The following DDHD1 variants were observed in gnomAD, a reference collection of about 807,000 sequenced individuals.
DDHD1 encodes the protein phospholipase DDHD1.
DDHD1 carries 49 observed loss-of-function variants against 96.4 expected under a neutral mutation model. The observed-to-expected ratio is 0.51, with a 90% CI of 0.40 to 0.64. The LOEUF (loss-of-function observed/expected upper bound fraction) is 0.64, where lower values mean the gene tolerates loss of function less well. DDHD1 is among the 30% of genes least tolerant of loss of function. The pLI is 0.00. For missense variants in DDHD1, 1,106 were observed against 1,161.2 expected, an observed-to-expected ratio of 0.95 and a Z score of 0.69; for synonymous variants, 442 against 446.5, an observed-to-expected ratio of 0.99 and a Z score of 0.13.
chr14:53,153,291 G>A lies in DDHD1; in HGVS notation c.-193C>T, dbSNP rs927041349. 6.9e-6 allele frequency: 3 copies of A among 433,824 alleles called. No homozygotes were observed. Among genetic ancestry groups the A allele is most frequent in the South Asian group, 1.8e-4 (2 of 11,054 alleles). The allele number at this position is 433,824 out of a possible 1,614,324, so 26.9% of individuals were successfully genotyped here. On this transcript the variant is annotated 5_prime_UTR_variant, in exon 1 of 13. Coordinates refer to ENST00000673822, the MANE Select transcript of DDHD1 (RefSeq NM_001160148.2). Reference sequence around the variant, plus strand: ...GCCGCCGCAGCTGCGTTCTGCCGCCGGCCCCATTGTCACGCAGCCCGACGT... The same window carrying A: ...GCCGCCGCAGCTGCGTTCTGCCGCCAGCCCCATTGTCACGCAGCCCGACGT...
At chr14:53,114,749 A>G (rs536612378) in intron 1 of DDHD1, among the ~76,000 whole-genome samples, 3 of 152,370 alleles carry the variant, frequency 2.0e-5, no homozygotes, top group Non-Finnish European at 2.9e-5. Context: ...AAAGGTAGAT[A>G]AATCCACAAA....
intron 4 of DDHD1, among the ~76,000 whole-genome samples, chr14:53,075,283 T>C (rs559262823): frequency 2.0e-5 from 3 of 152,080 alleles, no homozygotes; most frequent in Non-Finnish European, 4.4e-5. Context: ...TTGAAGGAGA[T>C]TAAAAGTACT....
intron 9 of DDHD1, among the ~76,000 whole-genome samples, chr14:53,056,742 T>C (rs1253392525): frequency 6.6e-6 from 1 of 152,194 alleles, no homozygotes; most frequent in African/African-American, 2.4e-5. Context: ...CTTGCACCGT[T>C]CTGACGTAAA....
At chr14:53,141,041 C>G (rs1890607350) in intron 1 of DDHD1, among the ~76,000 whole-genome samples, 1 of 152,164 alleles carries the variant, frequency 6.6e-6, no homozygotes, top group Non-Finnish European at 1.5e-5. Flanking sequence ...GTATACACAT[C>G]TAAAAACAGA....
intron 6 of DDHD1, among the ~76,000 whole-genome samples, chr14:53,067,235 T>C (rs561886589): frequency 6.6e-6 from 1 of 151,754 alleles, no homozygotes; most frequent in Admixed American, 6.6e-5. Context: ...CTCGACTAAC[T>C]GCAACCTCCG....
intron 1 of DDHD1, among the ~76,000 whole-genome samples, chr14:53,133,636 G>C (rs377396188): frequency 1.1e-4 from 16 of 152,110 alleles, no homozygotes; most frequent in African/African-American, 3.9e-4. Flanking sequence ...GCCTGTCCTC[G>C]GGATGCTACA....
chr14:53,138,449 AGATTGTATTTTGGTGTTTATAAT>A (rs1283368071), intron 1 of DDHD1, among the ~76,000 whole-genome samples: 2 of 152,194 alleles, frequency 1.3e-5, no homozygotes, highest in African/African-American at 4.8e-5. Flanking sequence ...AAAAGCAAAA[AGATTGTATTTTGGTGTTTATAAT>A]GATTGTATTT....
At chr14:53,126,171 C>A (rs995062250) in intron 1 of DDHD1, among the ~76,000 whole-genome samples, 1 of 152,116 alleles carries the variant, frequency 6.6e-6, no homozygotes, top group Non-Finnish European at 1.5e-5. Context: ...TAAATCTGAT[C>A]ATTTACCCAA....
chr14:53,103,606 A>C (rs1291736310), intron 2 of DDHD1, 77 bp downstream of exon 2: 2 of 1,216,188 alleles, frequency 1.6e-6, no homozygotes, highest in Admixed American at 3.0e-5. Context: ...TATTATGTCA[A>C]ATTTACAAAC....
intron 1 of DDHD1, among the ~76,000 whole-genome samples, chr14:53,146,269 C>G (rs1890973932): frequency 6.6e-6 from 1 of 151,888 alleles, no homozygotes; most frequent in South Asian, 2.1e-4. Context: ...TTTGGGAGGC[C>G]AAGGTGGGTG....
chr14:53,076,764 A>C (rs187321835), intron 4 of DDHD1, among the ~76,000 whole-genome samples: 1 of 152,298 alleles, frequency 6.6e-6, no homozygotes, highest in Admixed American at 6.5e-5. Flanking sequence ...AGCAGCCATC[A>C]ACATGGACGC....
chr14:53,078,012 T>C (rs1350827859), intron 4 of DDHD1, among the ~76,000 whole-genome samples: 2 of 152,218 alleles, frequency 1.3e-5, no homozygotes, highest in Non-Finnish European at 1.5e-5. Context: ...ACGCCACTTT[T>C]GTTTAGCCGC....
rs1883021418 is a variant in DDHD1 at position 53,055,968 on chromosome 14, T to G, written c.1993-56A>C. The G allele has an allele frequency of 2.7e-6, 4 of 1,485,328 alleles. No homozygotes were observed. The East Asian group carries it at 9.1e-5, about 34-fold the overall frequency. 92.0% of individuals were successfully genotyped at this position (1,485,328 alleles called of 1,614,324 possible). A position where few individuals can be genotyped will look rare whatever the true frequency, so the allele number is the denominator to read the frequency against. The stretch of plus-strand genomic sequence containing the variant: ...ACAGTGTTAAATCACAATGCTTGGA[T>G]TTTAGTAAACTGTTCTTACTCTACT... On this transcript the variant is annotated intron_variant, in intron 9 of 12. Transcript: ENST00000673822.
intron 1 of DDHD1, among the ~76,000 whole-genome samples, chr14:53,117,642 G>C (rs935490389): frequency 1.8e-4 from 27 of 152,314 alleles, no homozygotes; most frequent in African/African-American, 6.3e-4. Flanking sequence ...TGTAAACAAA[G>C]AGGCCAGGAA....
intron 1 of DDHD1, among the ~76,000 whole-genome samples, chr14:53,126,828 AAAC>A (rs1228963993): frequency 1.3e-5 from 2 of 152,240 alleles, no homozygotes; most frequent in Non-Finnish European, 2.9e-5. Flanking sequence ...TATTGAAAGA[AAAC>A]AATTCACGTT....
chr14:53,126,000 A>C (rs1230205488), intron 1 of DDHD1, among the ~76,000 whole-genome samples: 1 of 152,032 alleles, frequency 6.6e-6, no homozygotes, highest in Non-Finnish European at 1.5e-5. Flanking sequence ...CGCGCCCAGC[A>C]AAGATGGATT....
intron 4 of DDHD1, among the ~76,000 whole-genome samples, chr14:53,076,198 A>G (rs573808946): frequency 6.6e-6 from 1 of 152,302 alleles, no homozygotes; most frequent in East Asian, 1.9e-4. Context: ...GAAGGAACTC[A>G]TCATTCTAGA....
At chr14:53,094,798 C>A (rs1294540403) in intron 2 of DDHD1, among the ~76,000 whole-genome samples, 2 of 149,712 alleles carry the variant, frequency 1.3e-5, no homozygotes, top group African/African-American at 4.9e-5. Flanking sequence ...GAGCTATGAT[C>A]ATGCCACTGC....
At chr14:53,071,353 T>C (rs1884491766) in intron 6 of DDHD1, among the ~76,000 whole-genome samples, 1 of 152,094 alleles carries the variant, frequency 6.6e-6, no homozygotes, top group South Asian at 2.1e-4. Flanking sequence ...TAAATGCTTT[T>C]TTCAGAGGGA....
Sources: gnomAD v4.1 joint callset for allele counts (sites outside exome capture counted in the v4.1 genomes callset) on GRCh38, gnomAD v4.1.1 for gene constraint, MANE v1.5 for transcripts, NCBI Gene and HGNC (gene_info 2026-07-23, HGNC 2026-07-21) for gene names.